The following KIAA1217 variants were observed in gnomAD, a reference collection of about 807,000 sequenced individuals.
KIAA1217 encodes KIAA1217, also known as sickle tail protein homolog.
Under a neutral mutation model 163.9 loss-of-function variants are expected in KIAA1217, and 88 were observed. The ratio of observed to expected loss-of-function variants is 0.54; its 90% CI spans 0.45 to 0.64. The LOEUF (loss-of-function observed/expected upper bound fraction) is 0.64. KIAA1217 is among the 30% of genes least tolerant of loss of function. The probability of loss-of-function intolerance (pLI) is 0.00; values close to 1 mark genes in which losing one functional copy is unlikely to be tolerated. For synonymous variants in KIAA1217, 903 were observed against 923.1 expected (o/e 0.98, Z 0.39); for missense variants, 2,372 against 2,475.0 (o/e 0.96, Z 0.88).
chr10:23,714,292 C>A (rs144594123), intron 1 of KIAA1217, among the ~76,000 whole-genome samples: 1 of 149,276 alleles, frequency 6.7e-6, no homozygotes, highest in African/African-American at 2.6e-5. Flanking sequence ...AGAAATCAAA[C>A]CCTAAGAGGA....
At chr10:24,247,569 A>G (rs2073965557) in intron 2 of KIAA1217, among the ~76,000 whole-genome samples, 1 of 152,066 alleles carries the variant, frequency 6.6e-6, no homozygotes, top group Non-Finnish European at 1.5e-5. Flanking sequence ...GGCCAAGGGG[A>G]GGCAGATCAT....
chr10:24,412,059 C>A (rs1006481611), intron 3 of KIAA1217, among the ~76,000 whole-genome samples: 1 of 151,932 alleles, frequency 6.6e-6, no homozygotes, highest in African/African-American at 2.4e-5. Flanking sequence ...CTGCCAGAAT[C>A]ATCAGTGTAA....
chr10:24,545,718 T>A (rs1483830817), intron 20 of KIAA1217, 109 bp from the exon 21 acceptor site: 1 of 1,508,958 alleles, frequency 6.6e-7, no homozygotes, highest in East Asian at 2.3e-5. Context: ...TGTGTTTGGT[T>A]GGTTTTCTTT....
At chr10:24,240,269 G>A (rs1455920996) in intron 2 of KIAA1217, among the ~76,000 whole-genome samples, 14 of 152,174 alleles carry the variant, frequency 9.2e-5, no homozygotes, top group Non-Finnish European at 2.1e-4. Context: ...AAAGCCTATT[G>A]TTTCTTCCAC....
chr10:24,364,439 A>G (rs2050478495), intron 2 of KIAA1217, among the ~76,000 whole-genome samples: 1 of 152,174 alleles, frequency 6.6e-6, no homozygotes, highest in Admixed American at 6.5e-5. Context: ...AACTTTCCAC[A>G]CAGATGGAAC....
At chr10:24,241,879 ACACTCCTGGG>A (rs2073150938) in intron 2 of KIAA1217, among the ~76,000 whole-genome samples, 1 of 152,172 alleles carries the variant, frequency 6.6e-6, no homozygotes, top group Non-Finnish European at 1.5e-5. Flanking sequence ...TTCAGGTTCC[ACACTCCTGGG>A]AGAAGGCTCT....
At chr10:23,944,973 C>T (rs141778174) in intron 1 of KIAA1217, among the ~76,000 whole-genome samples, 2,922 of 151,020 alleles carry the variant, frequency 0.019, 57 homozygotes, top group Admixed American at 0.063. Context: ...ACAGGAGAAT[C>T]GCTGGAACCT....
intron 3 of KIAA1217, among the ~76,000 whole-genome samples, chr10:24,403,321 C>A (rs1468956047): frequency 6.6e-6 from 1 of 152,164 alleles, no homozygotes; most frequent in Non-Finnish European, 1.5e-5. Context: ...TCACTGCAAC[C>A]TCTGCCACCC....
At chr10:24,169,645 G>T (rs2065529021) in intron 2 of KIAA1217, among the ~76,000 whole-genome samples, 1 of 152,014 alleles carries the variant, frequency 6.6e-6, no homozygotes, top group African/African-American at 2.4e-5. Flanking sequence ...ATCAAATTCT[G>T]CAGAGTATTT....
intron 1 of KIAA1217, among the ~76,000 whole-genome samples, chr10:23,974,633 G>A (rs1407463515): frequency 2.6e-5 from 4 of 151,942 alleles, no homozygotes; most frequent in Admixed American, 1.3e-4. Flanking sequence ...ACCATCCTGG[G>A]CAATATAGTG....
At chr10:24,398,533 T>G (rs77479957) in intron 3 of KIAA1217, among the ~76,000 whole-genome samples, 2,693 of 151,878 alleles carry the variant, frequency 0.018, 92 homozygotes, top group African/African-American at 0.061. Flanking sequence ...AGGGCAGGAG[T>G]GGAAGTTTGT....
At chr10:24,066,993 T>A (rs1374316805) in intron 2 of KIAA1217, among the ~76,000 whole-genome samples, 1 of 152,242 alleles carries the variant, frequency 6.6e-6, no homozygotes, top group Non-Finnish European at 1.5e-5. Flanking sequence ...TTCAGCTCCA[T>A]CAGGTCCTTT....
intron 1 of KIAA1217, among the ~76,000 whole-genome samples, chr10:23,818,677 G>A (rs545047145): frequency 6.6e-6 from 1 of 152,110 alleles, no homozygotes; most frequent in East Asian, 1.9e-4. Flanking sequence ...CAGCACAGGC[G>A]ACCAGAATCA....
In KIAA1217 at chr10:24,488,806, A is replaced by G. The variant is rs1291631105; in HGVS notation, c.1680-5694A>G. ...TAGCCTCGCTTTAAACCTGTTCACT[A>G]TTGCATCCTGGAAAAATGCCTTCGG... On this transcript the variant is annotated intron_variant, in intron 6 of 20. Coordinates refer to ENST00000376454, the MANE Select transcript of KIAA1217 (RefSeq NM_019590.5). Among the ~76,000 whole-genome samples, 3 of 152,128 alleles carry G rather than the reference A, an allele frequency of 2.0e-5. No individual in the cohort carries two copies. The East Asian group carries it at 5.8e-4, about 29-fold the overall frequency.
At chr10:24,188,885 C>A (rs964638294) in intron 2 of KIAA1217, among the ~76,000 whole-genome samples, 1 of 151,972 alleles carries the variant, frequency 6.6e-6, no homozygotes, top group Non-Finnish European at 1.5e-5. Flanking sequence ...GCGGGCAGAT[C>A]GCGGGGTCAG....
At chr10:23,702,463 C>G (rs1322202757) in intron 1 of KIAA1217, among the ~76,000 whole-genome samples, 1 of 151,996 alleles carries the variant, frequency 6.6e-6, no homozygotes, top group Non-Finnish European at 1.5e-5. Context: ...TTTCCAGCTG[C>G]CTTGGGGAAA....
chr10:24,006,805 C>G (rs2131478064), intron 1 of KIAA1217, among the ~76,000 whole-genome samples: 1 of 152,236 alleles, frequency 6.6e-6, no homozygotes, highest in East Asian at 1.9e-4. Flanking sequence ...AGCGGCATAG[C>G]CACTGCAGCT....
At chr10:24,232,650 G>A (rs1176667303) in intron 2 of KIAA1217, among the ~76,000 whole-genome samples, 1 of 152,098 alleles carries the variant, frequency 6.6e-6, no homozygotes, top group African/African-American at 2.4e-5. Context: ...TCAGTCCAGT[G>A]CATAGATGCA....
intron 1 of KIAA1217, among the ~76,000 whole-genome samples, chr10:23,924,142 C>T (rs1373842472): frequency 6.7e-6 from 1 of 150,234 alleles, no homozygotes; most frequent in Non-Finnish European, 1.5e-5. Context: ...CTGTATTTTT[C>T]CCCACTATTT....
Sources: gnomAD v4.1 joint callset for allele counts (sites outside exome capture counted in the v4.1 genomes callset) on GRCh38, gnomAD v4.1.1 for gene constraint, MANE v1.5 for transcripts, NCBI Gene and HGNC (gene_info 2026-07-23, HGNC 2026-07-21) for gene names.